FHIT: variants seen among roughly 807,000 people sequenced by gnomAD.
FHIT encodes the protein fragile histidine triad diadenosine triphosphatase.
FHIT carries 19 observed loss-of-function variants against 17.9 expected under a neutral mutation model. The observed-to-expected ratio is 1.06, with a 90% confidence interval of 0.74 to 1.56. The LOEUF is 1.56. FHIT is among the 40% of genes most tolerant of loss of function. The pLI is 0.00. For synonymous variants in FHIT, 81 were observed against 69.7 expected, an observed-to-expected ratio of 1.16 and a Z score of -0.81; for missense variants, 248 against 189.2, an observed-to-expected ratio of 1.31 and a Z score of -1.82.
At chr3:60,510,705 C>T (rs9826469) in intron 5 of FHIT, among the ~76,000 whole-genome samples, 27,456 of 151,788 alleles carry the variant, frequency 0.18, 2,467 homozygotes, top group Admixed American at 0.21. Context: ...CTTGAACCTG[C>T]TCCCCCACCT....
intron 3 of FHIT, among the ~76,000 whole-genome samples, chr3:61,003,784 G>A (rs1263438929): frequency 6.6e-6 from 1 of 152,184 alleles, no homozygotes; most frequent in Non-Finnish European, 1.5e-5. Context: ...AGTTGCAATT[G>A]CCCATGCCTT....
At position 60,754,580 on chromosome 3, in the gene FHIT, A is replaced by G. The variant is rs373025663; in HGVS notation, c.-18+67339T>C. ...CAGGAGGCAGAGGTTGCGGTGAGCT[A>G]AGATCGCGCCACTGCACTCCAGCCT... On this transcript the variant is annotated intron_variant, in intron 4 of 9. Transcript: ENST00000492590. Among the ~76,000 whole-genome samples, 318 of 152,278 alleles carry G rather than the reference A, an allele frequency of 2.1e-3. 1 individual carries two copies. The highest frequency in any genetic ancestry group is 8.9e-3 in the South Asian group (43 of 4,828).
chr3:60,980,059 C>T (rs1454813340), intron 3 of FHIT, among the ~76,000 whole-genome samples: 2 of 152,214 alleles, frequency 1.3e-5, no homozygotes, highest in Non-Finnish European at 2.9e-5. Flanking sequence ...TCAAATTCAT[C>T]TACTCAAAAG....
chr3:60,398,424 G>C (rs1359801088), intron 5 of FHIT, among the ~76,000 whole-genome samples: 1 of 152,130 alleles, frequency 6.6e-6, no homozygotes, highest in Non-Finnish European at 1.5e-5. Context: ...AACTAGATGA[G>C]AAAGTAATAA....
intron 5 of FHIT, among the ~76,000 whole-genome samples, chr3:60,233,719 G>A (rs985062534): frequency 7.2e-5 from 11 of 152,118 alleles, no homozygotes; most frequent in Non-Finnish European, 1.2e-4. Context: ...TGTGTCATGG[G>A]AGGGACCCGG....
At chr3:60,941,796 T>C (rs771795498) in intron 3 of FHIT, among the ~76,000 whole-genome samples, 217 of 152,318 alleles carry the variant, frequency 1.4e-3, no homozygotes, top group Non-Finnish European at 2.2e-3. Context: ...TATATCATTT[T>C]CTTTCTGCTC....
chr3:61,126,870 T>C (rs1183803670), intron 2 of FHIT, among the ~76,000 whole-genome samples: 2 of 152,010 alleles, frequency 1.3e-5, no homozygotes, highest in East Asian at 1.9e-4. Context: ...GAGCAAGCCC[T>C]ACTGTACAAG....
chr3:60,110,836 T>C (rs1353674384), intron 5 of FHIT, among the ~76,000 whole-genome samples: 1 of 152,240 alleles, frequency 6.6e-6, no homozygotes, highest in African/African-American at 2.4e-5. Context: ...TAGGACTTTA[T>C]GATTGCCTTT....
At chr3:60,240,837 C>G (rs1273497332) in intron 5 of FHIT, among the ~76,000 whole-genome samples, 1 of 152,100 alleles carries the variant, frequency 6.6e-6, no homozygotes, top group Non-Finnish European at 1.5e-5. Flanking sequence ...GATCCAAGAG[C>G]TGTACCTGCT....
At chr3:60,007,470 C>A (rs1185341351) in intron 7 of FHIT, among the ~76,000 whole-genome samples, 3 of 152,124 alleles carry the variant, frequency 2.0e-5, no homozygotes, top group Non-Finnish European at 4.4e-5. Context: ...TTCCAACAAG[C>A]AACAAGCAAA....
chr3:59,879,693 G>C (rs1703318040), intron 8 of FHIT, among the ~76,000 whole-genome samples: 1 of 152,116 alleles, frequency 6.6e-6, no homozygotes. Context: ...AACACAGTCT[G>C]GATACAAACA....
intron 8 of FHIT, among the ~76,000 whole-genome samples, chr3:59,915,892 A>C (rs1375968574): frequency 6.7e-6 from 1 of 150,356 alleles, no homozygotes; most frequent in East Asian, 2.0e-4. Flanking sequence ...TGATTGGGCC[A>C]CTGCTGGCCA....
At chr3:60,871,768 G>A (rs1652993419) in intron 3 of FHIT, among the ~76,000 whole-genome samples, 1 of 152,008 alleles carries the variant, frequency 6.6e-6, no homozygotes, top group South Asian at 2.1e-4. Flanking sequence ...TGAGTAGCTA[G>A]AACTATAGGC....
intron 1 of FHIT, among the ~76,000 whole-genome samples, chr3:61,229,534 T>C (rs2040048745): frequency 6.6e-6 from 1 of 152,210 alleles, no homozygotes; most frequent in African/African-American, 2.4e-5. Flanking sequence ...ATTACTTAGC[T>C]AGCTGTAGTA....
At chr3:59,915,608 T>G (rs1295131077) in intron 8 of FHIT, among the ~76,000 whole-genome samples, 1 of 152,192 alleles carries the variant, frequency 6.6e-6, no homozygotes, top group Non-Finnish European at 1.5e-5. Context: ...TCACTACCAT[T>G]ATAGCCCTCC....
chr3:60,959,733 A>G (rs72873031), intron 3 of FHIT, among the ~76,000 whole-genome samples: 2 of 151,856 alleles, frequency 1.3e-5, no homozygotes, highest in Non-Finnish European at 2.9e-5. Context: ...TTTGAGGAGG[A>G]AAAAGGGCAG....
intron 3 of FHIT, among the ~76,000 whole-genome samples, chr3:60,991,295 T>C (rs1463671654): frequency 6.6e-6 from 1 of 152,090 alleles, no homozygotes; most frequent in Admixed American, 6.5e-5. Flanking sequence ...CCCGAGGGCA[T>C]TGAGGAGGGC....
chr3:59,870,973 C>A (rs1288388543), intron 8 of FHIT, among the ~76,000 whole-genome samples: 1 of 151,934 alleles, frequency 6.6e-6, no homozygotes. Context: ...ATGTGACTTG[C>A]CACACAAGTC....
chr3:59,986,738 A>G (rs1433879238), intron 7 of FHIT, among the ~76,000 whole-genome samples: 1 of 1,846 alleles, frequency 5.4e-4, no homozygotes, highest in African/African-American at 2.0e-3. Context: ...ATAAATATAT[A>G]CATATATTTA....
Sources: allele counts gnomAD v4.1 joint callset (sites outside exome capture counted in the v4.1 genomes callset), GRCh38; gene constraint gnomAD v4.1.1; transcripts MANE v1.5; gene names NCBI Gene and HGNC (gene_info 2026-07-23, HGNC 2026-07-21).